FAM234A: variants seen among roughly 807,000 people sequenced by gnomAD.
FAM234A encodes family with sequence similarity 234 member A.
In FAM234A, 42 loss-of-function variants were observed where a neutral mutation model predicts 49.1. The observed-to-expected ratio is 0.86, with a 90% confidence interval of 0.67 to 1.11. The LOEUF (loss-of-function observed/expected upper bound fraction) is 1.11. FAM234A is among the 50% of genes least tolerant of loss of function. FAM234A has a pLI of 0.00. For synonymous variants in FAM234A, 369 were observed against 316.2 expected (o/e 1.17, Z -1.77); for missense variants, 815 against 745.2 (o/e 1.09, Z -1.09).
At chr16:267,579 C>T (rs1286282264), downstream of FAM234A, among the ~76,000 whole-genome samples, 1 of 147,680 alleles carries the variant, frequency 6.8e-6, no homozygotes, top group Non-Finnish European at 1.5e-5. Flanking sequence ...GTGCACTACA[C>T]ACAATCACAC....
chr16:259,767 C>T (rs917968573), intron 4 of FAM234A, among the ~76,000 whole-genome samples, 168 bp downstream of exon 4: 8 of 152,200 alleles, frequency 5.3e-5, no homozygotes, highest in Admixed American at 4.6e-4. Flanking sequence ...AGCCCAGTCC[C>T]AGCACTGCCC....
chr16:268,750 C>T (rs535851149), downstream of FAM234A: 47 of 1,545,698 alleles, frequency 3.0e-5, no homozygotes, highest in African/African-American at 5.5e-5. Flanking sequence ...AGCCTCAGCA[C>T]GGCACTCTCT....
At chr16:259,453 C>T (rs748335566) in intron 3 of FAM234A, 30 bp from the exon 4 acceptor site, 11 of 1,281,296 alleles carry the variant, frequency 8.6e-6, no homozygotes, top group African/African-American at 1.5e-5. Flanking sequence ...GCATGGCCCG[C>T]GGAGTATAGT....
Position 262,194 on chromosome 16 carries a change from G to A in FAM234A, c.810G>A (p.Arg270=). 6.2e-7 allele frequency: 1 copy of A among 1,613,992 alleles called. No individual in the cohort carries two copies. Among genetic ancestry groups the A allele is most frequent in the Non-Finnish European group, 8.5e-7 (1 of 1,180,028 alleles). ...GTGGCTTCCTCCTTCACGTCACCAG[G>A]ACAGGTGCCCACTACATCCTCTTTC... ...GESGFLLHVT[R]TGAHYILFPC... is the part of the protein sequence containing the mutation. Residue 270 remains arginine, a synonymous_variant, in exon 7 of 13, where the codon AGG becomes AGA. Transcript: ENST00000399932.
chr16:260,614 C>T (rs868589649), intron 5 of FAM234A: 5 of 473,614 alleles, frequency 1.1e-5, no homozygotes, highest in African/African-American at 4.0e-5. Context: ...GAGCCGGCCT[C>T]GTGGAAGGAC....
At chr16:242,006 A>AG (rs754738018) in intron 1 of FAM234A, among the ~76,000 whole-genome samples, 3 of 152,110 alleles carry the variant, frequency 2.0e-5, no homozygotes, top group Non-Finnish European at 2.9e-5. Context: ...CTTGGAGAAA[A>AG]GGGAGAGACC....
Position 265,511 on chromosome 16 carries a change from G to A in FAM234A, c.*489G>A. 1 of 987,364 alleles carries A rather than the reference G, an allele frequency of 1.0e-6. No homozygotes were observed. Among genetic ancestry groups the A allele is most frequent in the Middle Eastern group, 5.2e-4 (1 of 1,918 alleles). 61.2% of individuals were successfully genotyped at this position (987,364 alleles called of 1,614,324 possible). On this transcript the variant is annotated 3_prime_UTR_variant, in exon 13 of 13. Coordinates refer to ENST00000399932, the MANE Select transcript of FAM234A (RefSeq NM_032039.4). ...CCTCCTGTGCTCTGTCCCCCAAGGA[G>A]TCATGGAACTCAGGGTACTGGGCCT...
At chr16:255,707 A>G (rs1190829545) in intron 3 of FAM234A, among the ~76,000 whole-genome samples, 1 of 152,194 alleles carries the variant, frequency 6.6e-6, no homozygotes, top group Non-Finnish European at 1.5e-5. Context: ...CTTGTTGCCC[A>G]GGCTGGAGTG....
At position 262,539 on chromosome 16, in the gene FAM234A, G is replaced by T. The variant is rs759923424; in HGVS notation, c.957G>T (p.Arg319Ser). Residue 319 changes from arginine to serine, a missense_variant, in exon 8 of 13, where the codon AGG becomes AGT. Coordinates refer to ENST00000399932, the MANE Select transcript of FAM234A (RefSeq NM_032039.4). ...WESMLNATTR[R>S]MLSHSSGAVR... ...GCATGCTCAATGCCACCACCCGCAG[G>T]ATGCTTTCCCACAGGTGGGTCCGGG... 5 of 1,606,242 alleles carry T rather than the reference G, an allele frequency of 3.1e-6. No individual in the cohort carries two copies. The South Asian group carries it at 5.5e-5, about 18-fold the overall frequency.
chr16:261,360 C>A (rs1306633105), intron 5 of FAM234A, 24 bp from the exon 6 acceptor site: 3 of 1,597,818 alleles, frequency 1.9e-6, no homozygotes, highest in Non-Finnish European at 2.6e-6. Context: ...GGGCCACGTT[C>A]CGTGACCGTG....
chr16:238,505 G>A (rs565841687), intron 1 of FAM234A, among the ~76,000 whole-genome samples: 5 of 152,208 alleles, frequency 3.3e-5, no homozygotes, highest in South Asian at 2.1e-4. Context: ...GGTGGCTCAC[G>A]CCTGTAATCC....
downstream of FAM234A, chr16:269,313 G>A (rs1198479597): frequency 6.3e-7 from 1 of 1,595,894 alleles, no homozygotes; most frequent in Non-Finnish European, 8.5e-7. Flanking sequence ...GCCGCTGTGG[G>A]CTCCACAGGG....
downstream of FAM234A, among the ~76,000 whole-genome samples, chr16:266,465 C>T (rs558427533): frequency 5.3e-5 from 8 of 152,238 alleles, no homozygotes; most frequent in East Asian, 1.5e-3. Flanking sequence ...CCGGGGTGAG[C>T]TCTGGTGACC....
intron 5 of FAM234A, 121 bp downstream of exon 5, chr16:260,281 T>G: frequency 1.0e-6 from 1 of 955,442 alleles, no homozygotes. Flanking sequence ...GGTGGCTGGA[T>G]GGGAAGGAAG....
At chr16:267,334 C>A (rs1244673703), downstream of FAM234A, among the ~76,000 whole-genome samples, 1 of 152,076 alleles carries the variant, frequency 6.6e-6, no homozygotes, top group African/African-American at 2.4e-5. Context: ...AGACCAGATG[C>A]CCCAAGTCTG....
chr16:262,082 T>C lies in FAM234A; in HGVS notation c.709-11T>C. On this transcript the variant is annotated splice_polypyrimidine_tract_variant and intron_variant, in intron 6 of 12. Coordinates refer to ENST00000399932, the MANE Select transcript of FAM234A (RefSeq NM_032039.4). ...GTCCCTCTCTTCCTGTGTCATCCTGTGTCATTGCAGGTTAGTGGCCACCTC... is the reference window on the plus strand; with the variant it reads ...GTCCCTCTCTTCCTGTGTCATCCTGCGTCATTGCAGGTTAGTGGCCACCTC... 1 of 1,613,320 alleles carries C rather than the reference T, an allele frequency of 6.2e-7. No individual in the cohort carries two copies. The highest frequency in any genetic ancestry group is 8.5e-7 in the Non-Finnish European group (1 of 1,179,648).
chr16:244,326 T>C (rs1439776929), intron 1 of FAM234A, among the ~76,000 whole-genome samples: 1 of 152,170 alleles, frequency 6.6e-6, no homozygotes, highest in Non-Finnish European at 1.5e-5. Flanking sequence ...TAATGGAGAA[T>C]TGTAACATGC....
intron 12 of FAM234A, 35 bp downstream of exon 12, chr16:264,751 C>T (rs551687248): frequency 1.7e-5 from 27 of 1,607,020 alleles, no homozygotes; most frequent in South Asian, 3.3e-5. Flanking sequence ...CCGGGTGTTC[C>T]GCGGGGTCTG....
At chr16:238,487 C>A (rs1365312528) in intron 1 of FAM234A, among the ~76,000 whole-genome samples, 1 of 152,066 alleles carries the variant, frequency 6.6e-6, no homozygotes, top group African/African-American at 2.4e-5. Flanking sequence ...ACTGTTCTGG[C>A]CAGGCACGGT....
Sources: allele counts gnomAD v4.1 joint callset (sites outside exome capture counted in the v4.1 genomes callset), GRCh38; gene constraint gnomAD v4.1.1; transcripts MANE v1.5; gene names NCBI Gene and HGNC (gene_info 2026-07-23, HGNC 2026-07-21).